The following WWC1 variants were observed in gnomAD, a reference collection of about 807,000 sequenced individuals.
The protein encoded by WWC1 is WW and C2 domain containing 1.
Under a neutral mutation model 138.4 loss-of-function variants are expected in WWC1, and 55 were observed. That is an observed-to-expected ratio of 0.40 (90% CI 0.32 to 0.50). WWC1 has a LOEUF of 0.50. Ranked by LOEUF, WWC1 falls within the 20% of genes least tolerant of loss-of-function variation. The pLI, the probability that WWC1 is intolerant of heterozygous loss-of-function variation, is 0.72. For missense variants in WWC1, 1,226 were observed against 1,420.4 expected (o/e 0.86, Z 2.20); for synonymous variants, 524 against 564.9 (o/e 0.93, Z 1.03).
rs569868786 is a variant in WWC1 at position 168,334,288 on chromosome 5, A to G, written c.120-37136A>G. 5.9e-5 allele frequency among the ~76,000 whole-genome samples: 9 copies of G among 152,122 alleles called. No homozygotes were observed. The South Asian group carries it at 1.2e-3, about 21-fold the overall frequency. The stretch of plus-strand genomic sequence containing the variant: ...CCTAACGTGGCTCACAGGACACTCA[A>G]CAACACAGGACTGACCCTGATTTTG... On this transcript the variant is annotated intron_variant, in intron 1 of 22. Coordinates refer to ENST00000265293, the MANE Select transcript of WWC1 (RefSeq NM_015238.3).
intron 13 of WWC1, 24 bp downstream of exon 13, chr5:168,428,811 CA>C (rs529731245): frequency 1.1e-4 from 179 of 1,612,558 alleles, no homozygotes; most frequent in Non-Finnish European, 1.5e-4. Context: ...ACGAGGAGGA[CA>C]GAAGGAACGG....
intron 1 of WWC1, among the ~76,000 whole-genome samples, chr5:168,368,972 C>T (rs138710617): frequency 6.6e-6 from 1 of 152,244 alleles, no homozygotes; most frequent in Non-Finnish European, 1.5e-5. Context: ...CCCCATTTTC[C>T]CTCCTTCTAC....
intron 1 of WWC1, among the ~76,000 whole-genome samples, chr5:168,359,993 C>G (rs1302436887): frequency 6.6e-6 from 1 of 152,184 alleles, no homozygotes; most frequent in Non-Finnish European, 1.5e-5. Flanking sequence ...CTGTTGCATA[C>G]CTTCTCCACA....
At chr5:168,440,893 G>T (rs1024494127) in intron 15 of WWC1, among the ~76,000 whole-genome samples, 1 of 152,176 alleles carries the variant, frequency 6.6e-6, no homozygotes, top group African/African-American at 2.4e-5. Flanking sequence ...AGAGGTAGAA[G>T]TAACCCAAAT....
intron 1 of WWC1, among the ~76,000 whole-genome samples, chr5:168,306,680 T>G (rs1200483684): frequency 2.0e-5 from 3 of 152,164 alleles, no homozygotes; most frequent in Non-Finnish European, 4.4e-5. Flanking sequence ...GACTGCAACC[T>G]CTGCCTCCTG....
At chr5:168,459,204 A>ATCGTC (rs1292656223) in intron 19 of WWC1, among the ~76,000 whole-genome samples, 1 of 148,672 alleles carries the variant, frequency 6.7e-6, no homozygotes, top group Admixed American at 6.7e-5. Context: ...CAGTGAGACG[A>ATCGTC]GATAGCACCA....
intron 17 of WWC1, among the ~76,000 whole-genome samples, chr5:168,446,232 TA>T (rs60746695): frequency 0.15 from 8,962 of 58,370 alleles, 344 homozygotes; most frequent in African/African-American, 0.21. Context: ...CTCCCATTAT[TA>T]AAAAAAAAAA....
chr5:168,385,348 C>A lies in WWC1; in HGVS notation c.367C>A (p.Leu123Ile). The change falls in exon 3 of 23, where the codon CTT becomes ATT. Residue 123 changes from leucine (L) to isoleucine (I), a missense_variant. Physicochemically the swap from Leu to Ile is conservative, Grantham distance 5 (BLOSUM62 2). Around this residue, in one of 3 missense-constraint regions of WWC1, gnomAD observed 1,016 missense variants for 1,153.9 expected, o/e 0.88. Transcript: ENST00000265293. The part of the protein sequence containing the change: ...IYQVKQQRLE[L>I]AQQEYQQLHA... ...CCAGGTGAAGCAGCAGCGCCTGGAG[C>A]TTGCACAGCAGGAGTACCAGCAACT... 1 of 1,614,142 alleles carries A rather than the reference C, an allele frequency of 6.2e-7. No individual in the cohort carries two copies. The highest frequency in any genetic ancestry group is 1.3e-5 in the African/African-American group (1 of 75,044).
intron 15 of WWC1, among the ~76,000 whole-genome samples, chr5:168,439,965 G>A (rs898914869): frequency 2.0e-5 from 3 of 152,126 alleles, no homozygotes; most frequent in Non-Finnish European, 4.4e-5. Context: ...TACCTCACTT[G>A]GAATTAATTA....
intron 1 of WWC1, among the ~76,000 whole-genome samples, chr5:168,350,916 C>T (rs999876148): frequency 8.6e-5 from 13 of 152,024 alleles, no homozygotes; most frequent in African/African-American, 2.4e-4. Flanking sequence ...GAGGCCGAGG[C>T]GGGCGGATCA....
intron 17 of WWC1, among the ~76,000 whole-genome samples, chr5:168,448,854 C>T (rs535884125): frequency 2.0e-5 from 3 of 152,122 alleles, no homozygotes; most frequent in South Asian, 2.1e-4. Flanking sequence ...CTCCTGACCT[C>T]GTGATCTGCC....
intron 1 of WWC1, among the ~76,000 whole-genome samples, chr5:168,344,557 A>C (rs1399952014): frequency 1.3e-5 from 2 of 152,250 alleles, no homozygotes; most frequent in African/African-American, 4.8e-5. Flanking sequence ...AATAGTACAC[A>C]GTTTCCTGAA....
At chr5:168,438,193 C>T (rs1401982157) in intron 15 of WWC1, among the ~76,000 whole-genome samples, 1 of 152,188 alleles carries the variant, frequency 6.6e-6, no homozygotes, top group Non-Finnish European at 1.5e-5. Context: ...CCACCTTTCA[C>T]TGTCCCAGAC....
At chr5:168,338,523 T>C (rs1773705632) in intron 1 of WWC1, among the ~76,000 whole-genome samples, 1 of 151,214 alleles carries the variant, frequency 6.6e-6, no homozygotes, top group South Asian at 2.1e-4. Flanking sequence ...GCGGTTCTCC[T>C]GCCTCAGCCT....
rs538606633 is a variant in WWC1 at position 168,391,673 on chromosome 5, A to T, written c.434-6051A>T. Among the ~76,000 whole-genome samples, 406 of 147,136 alleles carry T rather than the reference A, an allele frequency of 2.8e-3. 2 individuals carry two copies. Among genetic ancestry groups the T allele is most frequent in the African/African-American group, 9.4e-3 (377 of 40,198 alleles). ...CACTCCGTCTCAAAAAAAAAAAAAC[A>T]AAAAAACTAAAAAATGCCAGTTGAA... On this transcript the variant is annotated intron_variant, in intron 3 of 22. Coordinates refer to ENST00000265293, the MANE Select transcript of WWC1 (RefSeq NM_015238.3).
At chr5:168,323,914 A>G (rs1772328169) in intron 1 of WWC1, among the ~76,000 whole-genome samples, 1 of 152,212 alleles carries the variant, frequency 6.6e-6, no homozygotes, top group Non-Finnish European at 1.5e-5. Flanking sequence ...AATTACATAC[A>G]GGAGAACAGT....
At chr5:168,467,234 G>T (rs1311983780) in intron 21 of WWC1, among the ~76,000 whole-genome samples, 1 of 152,234 alleles carries the variant, frequency 6.6e-6, no homozygotes, top group Non-Finnish European at 1.5e-5. Context: ...CTCCAGCCTG[G>T]GCGACAGAGC....
At chr5:168,404,476 G>T (rs978524579) in intron 5 of WWC1, among the ~76,000 whole-genome samples, 4 of 152,240 alleles carry the variant, frequency 2.6e-5, no homozygotes, top group Admixed American at 2.0e-4. Flanking sequence ...CATGGAGGCT[G>T]AAGTAACCGC....
At chr5:168,391,630 G>A (rs1778499765) in intron 3 of WWC1, among the ~76,000 whole-genome samples, 1 of 139,198 alleles carries the variant, frequency 7.2e-6, no homozygotes, top group Non-Finnish European at 1.5e-5. Context: ...CTTCACTCCA[G>A]CCTGGGCAAC....
Sources: gnomAD v4.1 joint callset for allele counts (sites outside exome capture counted in the v4.1 genomes callset) on GRCh38, gnomAD v4.1.1 for gene constraint, gnomAD v4.1.1 regional missense constraint, MANE v1.5 for transcripts, NCBI Gene and HGNC (gene_info 2026-07-23, HGNC 2026-07-21) for gene names.